IFI16: variants seen among roughly 807,000 people sequenced by gnomAD.
IFI16 encodes interferon gamma inducible protein 16.
A neutral mutation model predicts 68.4 loss-of-function variants in IFI16; 49 were observed. The ratio of observed to expected loss-of-function variants is 0.72; its 90% confidence interval spans 0.57 to 0.91. The LOEUF (loss-of-function observed/expected upper bound fraction) is 0.91, where lower values mean the gene tolerates loss of function less well. Among genes scored for constraint, IFI16 ranks in the 40% least tolerant of loss-of-function variants. The pLI, the probability that IFI16 is intolerant of heterozygous loss-of-function variation, is 0.00. For missense variants in IFI16, 878 were observed against 942.9 expected (o/e 0.93, Z 0.90); for synonymous variants, 307 against 315.0 (o/e 0.97, Z 0.27).
At chr1:159,024,590 C>T (rs147895390) in intron 6 of IFI16, among the ~76,000 whole-genome samples, 1 of 152,170 alleles carries the variant, frequency 6.6e-6, no homozygotes, top group African/African-American at 2.4e-5. Flanking sequence ...AGCAGAAAAT[C>T]GATGCCTTGG....
At chr1:159,017,247 G>C (rs1339911921) in intron 4 of IFI16, among the ~76,000 whole-genome samples, 6 of 152,198 alleles carry the variant, frequency 3.9e-5, no homozygotes, top group Admixed American at 1.3e-4. Context: ...GGCTATGGTG[G>C]TGGGAATGAC....
At chr1:159,010,879 A>G (rs1652507090) in intron 1 of IFI16, among the ~76,000 whole-genome samples, 1 of 152,068 alleles carries the variant, frequency 6.6e-6, no homozygotes, top group Non-Finnish European at 1.5e-5. Context: ...ACTATTGTTT[A>G]CTTTTCAAAT....
intron 1 of IFI16, among the ~76,000 whole-genome samples, chr1:159,000,853 G>T (rs890876690): frequency 2.6e-5 from 4 of 152,074 alleles, no homozygotes; most frequent in Admixed American, 2.6e-4. Context: ...CCATCCCCTG[G>T]TTGATGAGTG....
chr1:159,039,692 T>A (rs1654510771), intron 7 of IFI16, among the ~76,000 whole-genome samples: 2 of 152,134 alleles, frequency 1.3e-5, no homozygotes, highest in Admixed American at 6.6e-5. Flanking sequence ...ACTCAATCTT[T>A]TCCTGAGAAC....
chr1:159,013,169 T>C lies in IFI16; in HGVS notation c.-20-1492T>C, dbSNP rs1395313905. On this transcript the variant is annotated intron_variant, in intron 1 of 11. Transcript: ENST00000295809. The stretch of plus-strand genomic sequence containing the variant: ...GTTCTCGTAAGAAGGAAGCTTTTTT[T>C]TTTTTTTTTTTTTTTTTTTGACGGA... 6.0e-5 allele frequency among the ~76,000 whole-genome samples: 8 copies of C among 132,868 alleles called. No individual in the cohort carries two copies. The East Asian group carries it at 1.3e-3, about 21-fold the overall frequency. 87.2% of individuals were successfully genotyped at this position (132,868 alleles called of 152,430 possible).
upstream of IFI16, among the ~76,000 whole-genome samples, chr1:159,007,168 C>T (rs755453232): frequency 1.3e-5 from 2 of 152,094 alleles, no homozygotes; most frequent in African/African-American, 2.4e-5. Context: ...ATGCATGGTT[C>T]CATTCATGTG....
intron 6 of IFI16, among the ~76,000 whole-genome samples, chr1:159,023,478 G>A (rs1101991): frequency 0.7 from 106,328 of 152,078 alleles, 39,979 homozygotes; most frequent in Admixed American, 0.84. Flanking sequence ...ACTTAACAGA[G>A]CAACATGGAT....
intron 7 of IFI16, among the ~76,000 whole-genome samples, chr1:159,043,389 C>T (rs1298634440): frequency 6.6e-6 from 1 of 152,238 alleles, no homozygotes; most frequent in Non-Finnish European, 1.5e-5. Context: ...ATATGCAGCA[C>T]AATCATTTCT....
chr1:159,049,439 A>T lies in IFI16; in HGVS notation c.1505A>T (p.Glu502Val), dbSNP rs1284295199. 1.4e-6 allele frequency: 2 copies of T among 1,404,958 alleles called. No homozygotes were observed. Among genetic ancestry groups the T allele is most frequent in the East Asian group, 4.6e-5 (2 of 43,554 alleles). 87.0% of individuals were successfully genotyped at this position (1,404,958 alleles called of 1,614,324 possible). Residue 502 changes from glutamate (E) to valine (V), a missense_variant, in exon 9 of 12, where the codon GAA becomes GTA. Around this residue, in one of 4 missense-constraint regions of IFI16, gnomAD observed 59 missense variants for 119.0 expected, o/e 0.50. Transcript: ENST00000295809. ...ACATCTATTTTCCTTTAGAAAAGTG[A>T]AGACACAATCTCCAAAATGAATGAC... is the stretch of plus-strand genomic sequence containing the variant. ...PSSSFLTTKSEDTISKMNDFM... is the reference protein window; with the variant it reads ...PSSSFLTTKSVDTISKMNDFM...
chr1:159,045,077 A>G (rs966845200), intron 7 of IFI16, among the ~76,000 whole-genome samples: 6 of 151,832 alleles, frequency 4.0e-5, no homozygotes, highest in African/African-American at 7.3e-5. Flanking sequence ...AGACAATGCA[A>G]TTTCAGTTAT....
chr1:159,017,376 T>C (rs1652999437), intron 4 of IFI16, among the ~76,000 whole-genome samples: 1 of 152,210 alleles, frequency 6.6e-6, no homozygotes, highest in Non-Finnish European at 1.5e-5. Context: ...CACTATGAAA[T>C]GTGCTCTTTA....
intron 7 of IFI16, among the ~76,000 whole-genome samples, chr1:159,042,095 G>T (rs192907674): frequency 4.6e-5 from 7 of 152,060 alleles, no homozygotes; most frequent in African/African-American, 1.7e-4. Flanking sequence ...TTCTACCTCC[G>T]GTACAGCCAT....
chr1:159,018,104 C>T (rs1653050752), intron 4 of IFI16, 125 bp from the exon 5 acceptor site: 3 of 733,372 alleles, frequency 4.1e-6, no homozygotes, highest in East Asian at 2.6e-5. Flanking sequence ...CCCTCTCTAT[C>T]CTGACTCCAG....
intron 7 of IFI16, among the ~76,000 whole-genome samples, chr1:159,039,860 T>C (rs750704803): frequency 3.3e-5 from 5 of 152,242 alleles, no homozygotes; most frequent in Admixed American, 1.3e-4. Flanking sequence ...AGCCATTTCT[T>C]AGCCAAATCA....
In IFI16 at chr1:159,016,623, G is replaced by T. The variant is rs778462683; in HGVS notation, c.472G>T (p.Gly158Cys). The change falls in exon 4 of 12, where the codon GGC becomes TGC. Residue 158 changes from glycine (G) to cysteine (C), a missense_variant. Physicochemically the swap from Gly to Cys is radical, Grantham distance 159. Around this residue, in one of 4 missense-constraint regions of IFI16, gnomAD observed 443 missense variants for 421.8 expected, o/e 1.05. Transcript: ENST00000295809. ...QTQPPSPAGA[G>C]MSTAMGRSPS... ...TCAGCCTCCCTCTCCTGCAGGAGCC[G>T]GCATGTCCACAGCCATGGGCCGTTC... is the stretch of plus-strand genomic sequence containing the variant. 8 of 1,614,120 alleles carry T rather than the reference G, an allele frequency of 5.0e-6. No homozygotes were observed. The highest frequency in any genetic ancestry group is 5.9e-6 in the Non-Finnish European group (7 of 1,180,010).
chr1:159,052,884 TATA>T (rs1377001146), intron 10 of IFI16: 1 of 152,270 alleles, frequency 6.6e-6, no homozygotes, highest in Admixed American at 6.5e-5. Flanking sequence ...CATACTCCAT[TATA>T]CATGTCTTCT....
At chr1:159,004,210 A>T (rs61829999), upstream of IFI16, among the ~76,000 whole-genome samples, 1,972 of 152,056 alleles carry the variant, frequency 0.013, 15 homozygotes, top group Non-Finnish European at 0.021. Context: ...GTGGTGGCTT[A>T]TGCCTGTAAT....
At chr1:159,001,755 A>G (rs1183788809), upstream of IFI16, among the ~76,000 whole-genome samples, 1 of 152,216 alleles carries the variant, frequency 6.6e-6, no homozygotes, top group Non-Finnish European at 1.5e-5. Context: ...ATATATAAGA[A>G]AATTAAGACA....
chr1:159,054,634 A>T (rs7532207), intron 11 of IFI16, among the ~76,000 whole-genome samples, 187 bp from the exon 12 acceptor site: 25,289 of 152,054 alleles, frequency 0.17, 2,440 homozygotes, highest in East Asian at 0.3. Flanking sequence ...TCCAAATTAA[A>T]CAGAGAGGCA....
Sources: allele counts gnomAD v4.1 joint callset (sites outside exome capture counted in the v4.1 genomes callset), GRCh38; gene constraint gnomAD v4.1.1; regional missense constraint gnomAD v4.1.1; transcripts MANE v1.5; gene names NCBI Gene and HGNC (gene_info 2026-07-23, HGNC 2026-07-21).